The following TCF7L1 variants were observed in gnomAD, a reference collection of about 807,000 sequenced individuals.
The protein encoded by TCF7L1 is transcription factor 7-like 1.
TCF7L1 carries 18 observed loss-of-function variants against 63.7 expected under a neutral mutation model. The ratio of observed to expected loss-of-function variants is 0.28; its 90% confidence interval spans 0.20 to 0.42. TCF7L1 has a LOEUF of 0.42. Ranked by LOEUF, TCF7L1 falls within the 10% of genes least tolerant of loss-of-function variation. The probability of loss-of-function intolerance (pLI) is 1.00; values close to 1 mark genes in which losing one functional copy is unlikely to be tolerated. For synonymous variants in TCF7L1, 355 were observed against 340.9 expected (o/e 1.04, Z -0.46); for missense variants, 654 against 779.3 (o/e 0.84, Z 1.91).
At chr2:85,286,470 A>C (rs1390478168) in intron 4 of TCF7L1, among the ~76,000 whole-genome samples, 1 of 151,986 alleles carries the variant, frequency 6.6e-6, no homozygotes, top group East Asian at 1.9e-4. Flanking sequence ...TGAGGCCAGG[A>C]GTTTGAGACC....
intron 3 of TCF7L1, among the ~76,000 whole-genome samples, chr2:85,229,132 G>A (rs1158141786): frequency 6.6e-6 from 1 of 152,074 alleles, no homozygotes; most frequent in Non-Finnish European, 1.5e-5. Flanking sequence ...GGATCACAAG[G>A]TCAAGAGATT....
intron 3 of TCF7L1, among the ~76,000 whole-genome samples, chr2:85,185,257 ACAG>A (rs1259291957): frequency 6.6e-6 from 1 of 151,758 alleles, no homozygotes; most frequent in Non-Finnish European, 1.5e-5. Context: ...AATCTGCATC[ACAG>A]CATTTTTTTT....
chr2:85,210,116 A>G (rs765836451), intron 3 of TCF7L1, among the ~76,000 whole-genome samples: 2 of 152,166 alleles, frequency 1.3e-5, no homozygotes, highest in Non-Finnish European at 1.5e-5. Flanking sequence ...GTATTTCTTG[A>G]GACCAGCCCT....
At chr2:85,172,458 G>A (rs530047489) in intron 3 of TCF7L1, among the ~76,000 whole-genome samples, 9 of 152,268 alleles carry the variant, frequency 5.9e-5, no homozygotes, top group Non-Finnish European at 1.0e-4. Context: ...AGACAGTCTC[G>A]CTCTGTCGCC....
At chr2:85,251,609 T>G (rs1680589537) in intron 3 of TCF7L1, among the ~76,000 whole-genome samples, 1 of 152,162 alleles carries the variant, frequency 6.6e-6, no homozygotes, top group Non-Finnish European at 1.5e-5. Context: ...ATATAAGAGC[T>G]GAAGGAGAGA....
At chr2:85,238,699 G>A (rs1680251714) in intron 3 of TCF7L1, among the ~76,000 whole-genome samples, 1 of 152,190 alleles carries the variant, frequency 6.6e-6, no homozygotes, top group Non-Finnish European at 1.5e-5. Flanking sequence ...ACACCATACA[G>A]AGGACTGCGC....
At position 85,306,886 on chromosome 2, in the gene TCF7L1, G is replaced by A. The variant is rs566657304; in HGVS notation, c.1257+327G>A. Among the ~76,000 whole-genome samples the A allele has an allele frequency of 7.2e-5, 11 of 152,240 alleles. No homozygotes were observed. In the South Asian group the frequency reaches 2.3e-3, roughly 32 times the overall value. On this transcript the variant is annotated intron_variant, in intron 10 of 11. Coordinates refer to ENST00000282111, the MANE Select transcript of TCF7L1 (RefSeq NM_031283.3). This position sits in a 1 kb window ranked among gnomAD's most constrained non-coding sequence, Gnocchi z 4.3. ...TCACTGTGTTAACCAGGATGGTCTC[G>A]AGCTCCTGACCTCGTGATCCGCCCA...
chr2:85,277,638 G>A (rs1681306338), intron 3 of TCF7L1, among the ~76,000 whole-genome samples: 1 of 152,216 alleles, frequency 6.6e-6, no homozygotes, highest in African/African-American at 2.4e-5. Context: ...CATGGGGCTG[G>A]AGCAAGGGGC....
At chr2:85,159,311 G>A (rs1359289165) in intron 3 of TCF7L1, among the ~76,000 whole-genome samples, 3 of 152,272 alleles carry the variant, frequency 2.0e-5, no homozygotes, top group South Asian at 4.2e-4. Flanking sequence ...TCCCTGGGCA[G>A]ACCATTCACT....
At chr2:85,159,161 T>C (rs942226266) in intron 3 of TCF7L1, among the ~76,000 whole-genome samples, 1 of 152,092 alleles carries the variant, frequency 6.6e-6, no homozygotes, top group African/African-American at 2.4e-5. Flanking sequence ...CGAGAGAGAT[T>C]GGCGTTTGAG....
chr2:85,146,495 T>C (rs1677881816), intron 3 of TCF7L1, among the ~76,000 whole-genome samples: 1 of 128,800 alleles, frequency 7.8e-6, no homozygotes, highest in African/African-American at 2.9e-5. Context: ...TTTTCTTTCT[T>C]TCTTTTTTTT....
In TCF7L1 at chr2:85,269,032, C is replaced by T. The variant is rs368249014; in HGVS notation, c.442-14463C>T. On this transcript the variant is annotated intron_variant, in intron 3 of 11. Transcript: ENST00000282111. ...AAAGATGTCTGAGGTTTTGACCCTG[C>T]AGGTACATGAGAAGAGAGAGATGGT... Among the ~76,000 whole-genome samples, 116 of 151,962 alleles carry T rather than the reference C, an allele frequency of 7.6e-4. 3 individuals carry two copies. In the South Asian group the frequency reaches 0.024, roughly 31 times the overall value.
rs140647246 is a variant in TCF7L1, at chr2:85,277,882, TAG to T, written c.442-5610_442-5609del. 7.0e-3 allele frequency among the ~76,000 whole-genome samples: 1,066 copies of T among 152,064 alleles called. 11 individuals are homozygous for T. The highest frequency in any genetic ancestry group is 0.025 in the African/African-American group (1,028 of 41,470). ...AATGTGGGCATTCCCCCGAGCCCTGTAGAGTCCTGTCCACACTAAGCAAGTGT... is the reference window on the plus strand; with the variant it reads ...AATGTGGGCATTCCCCCGAGCCCTGTAGTCCTGTCCACACTAAGCAAGTGT... On this transcript the variant is annotated intron_variant, in intron 3 of 11. Transcript: ENST00000282111.
intron 3 of TCF7L1, among the ~76,000 whole-genome samples, chr2:85,173,052 GC>G (rs1255785146): frequency 6.6e-6 from 1 of 152,248 alleles, no homozygotes; most frequent in African/African-American, 2.4e-5. Flanking sequence ...TAAATGAGTG[GC>G]AGCAGTATTT....
rs961942060 is a variant in TCF7L1 at position 85,133,463 on chromosome 2, G to C, written c.-222G>C. On this transcript the variant is annotated 5_prime_UTR_variant, in exon 1 of 12. Coordinates refer to ENST00000282111, the MANE Select transcript of TCF7L1 (RefSeq NM_031283.3). The surrounding 1 kb of genome is among the most constrained non-coding windows in gnomAD (Gnocchi z 4.4). ...CAGGCGGCGGCGGTGGCGAGTTGGGGAGCCCTAGGCTCGGCGCTGCCGGAG... is the reference window on the plus strand; with the variant it reads ...CAGGCGGCGGCGGTGGCGAGTTGGGCAGCCCTAGGCTCGGCGCTGCCGGAG... 4.0e-5 allele frequency: 6 copies of C among 150,190 alleles called. No homozygotes were observed. The highest frequency in any genetic ancestry group is 1.5e-4 in the African/African-American group (6 of 41,006). 9.3% of individuals were successfully genotyped at this position (150,190 alleles called of 1,614,324 possible).
At chr2:85,170,138 G>C (rs751206909) in intron 3 of TCF7L1, among the ~76,000 whole-genome samples, 5 of 152,204 alleles carry the variant, frequency 3.3e-5, no homozygotes, top group Admixed American at 6.5e-5. Flanking sequence ...CTCTGGAATA[G>C]CTCCTGCAGC....
intron 3 of TCF7L1, among the ~76,000 whole-genome samples, chr2:85,236,177 A>G (rs1680187716): frequency 6.9e-6 from 1 of 144,876 alleles, no homozygotes. Context: ...CCCCCCCAAA[A>G]AAAACCCAAC....
intron 3 of TCF7L1, among the ~76,000 whole-genome samples, chr2:85,255,465 A>G (rs768828543): frequency 3.3e-5 from 5 of 152,182 alleles, no homozygotes; most frequent in Non-Finnish European, 7.4e-5. Context: ...CATGTCTACA[A>G]GCTGCTTCAG....
chr2:85,134,463 C>G lies in TCF7L1; in HGVS notation c.441+13C>G, dbSNP rs1677541389. On this transcript the variant is annotated intron_variant, in intron 3 of 11. Coordinates refer to ENST00000282111, the MANE Select transcript of TCF7L1 (RefSeq NM_031283.3). This position sits in a 1 kb window ranked among gnomAD's most constrained non-coding sequence, Gnocchi z 5.0. ...AGGAGCGCGCACCGTGAGTGCCCGT[C>G]GGGCGCGCCGGGGAGGGTGGGAGGC... The G allele has an allele frequency of 6.5e-7, 1 of 1,548,636 alleles. No homozygotes were observed. Among genetic ancestry groups the G allele is most frequent in the Non-Finnish European group, 8.7e-7 (1 of 1,146,020 alleles).
Sources: gnomAD v4.1 joint callset for allele counts (sites outside exome capture counted in the v4.1 genomes callset) on GRCh38, gnomAD v4.1.1 for gene constraint, Gnocchi (gnomAD v3.1) non-coding constraint, MANE v1.5 for transcripts, NCBI Gene and HGNC (gene_info 2026-07-23, HGNC 2026-07-21) for gene names.